Variants in LMCD1 observed in about 807,000 individuals in gnomAD.
LMCD1 encodes LIM and cysteine rich domains 1.
A neutral mutation model predicts 42.7 loss-of-function variants in LMCD1; 32 were observed. The ratio of observed to expected loss-of-function variants is 0.75; its 90% confidence interval spans 0.57 to 1.01. The LOEUF is 1.01. Ranked by LOEUF, LMCD1 falls within the 50% of genes least tolerant of loss-of-function variation. The probability of loss-of-function intolerance (pLI) is 0.00; values close to 1 mark genes in which losing one functional copy is unlikely to be tolerated. For missense variants in LMCD1, 458 were observed against 483.1 expected, an observed-to-expected ratio of 0.95 and a Z score of 0.49; for synonymous variants, 178 against 184.9, an observed-to-expected ratio of 0.96 and a Z score of 0.30.
At chr3:8,530,229 G>A (rs1694386367) in intron 1 of LMCD1, among the ~76,000 whole-genome samples, 1 of 152,210 alleles carries the variant, frequency 6.6e-6, no homozygotes, top group Non-Finnish European at 1.5e-5. Context: ...CTCACCAAGT[G>A]AGGATCCTGC....
rs201965075 is a variant in LMCD1, at chr3:8,549,751, G to C, written c.723+848G>C. The C allele has an allele frequency of 2.4e-5, 17 of 698,566 alleles. No individual in the cohort carries two copies. The East Asian group carries it at 4.0e-4, about 17-fold the overall frequency. 43.3% of individuals were successfully genotyped at this position (698,566 alleles called of 1,614,324 possible). On this transcript the variant is annotated intron_variant, in intron 4 of 5. Coordinates refer to ENST00000157600, the MANE Select transcript of LMCD1 (RefSeq NM_014583.4). ...GGAGGCTGAGAAGTCCAAGGCCAAG[G>C]GGCTGCATCTGGTGAGGGACTTCTT...
intron 1 of LMCD1, among the ~76,000 whole-genome samples, chr3:8,508,558 G>T (rs1434672532): frequency 6.6e-6 from 1 of 152,172 alleles, no homozygotes; most frequent in Non-Finnish European, 1.5e-5. Context: ...ATGAGCCATT[G>T]TCTAAAAGAG....
chr3:8,542,487 C>T (rs1694645596), intron 3 of LMCD1, among the ~76,000 whole-genome samples: 1 of 152,106 alleles, frequency 6.6e-6, no homozygotes, highest in Non-Finnish European at 1.5e-5. Context: ...AGCCGCTGCC[C>T]CAGGATCCCT....
At chr3:8,544,386 G>C (rs1436219459) in intron 3 of LMCD1, among the ~76,000 whole-genome samples, 1 of 152,154 alleles carries the variant, frequency 6.6e-6, no homozygotes, top group Non-Finnish European at 1.5e-5. Context: ...GCATTCAGAG[G>C]TGTGCAGACA....
intron 1 of LMCD1, among the ~76,000 whole-genome samples, chr3:8,530,481 C>T (rs1380836026): frequency 6.6e-6 from 1 of 152,178 alleles, no homozygotes; most frequent in East Asian, 1.9e-4. Flanking sequence ...ACTCTCCAAG[C>T]CAAGCATCAG....
chr3:8,512,281 C>T (rs921046868), intron 1 of LMCD1, among the ~76,000 whole-genome samples: 1 of 152,210 alleles, frequency 6.6e-6, no homozygotes, highest in Non-Finnish European at 1.5e-5. Flanking sequence ...TCACACAGTT[C>T]TTACTTCAAA....
rs146588809 is a variant in LMCD1, at chr3:8,567,534, G to A, written c.1034G>A (p.Arg345Gln). Residue 345 changes from arginine to glutamine, a missense_variant, in exon 6 of 6, where the codon CGG becomes CAG. Coordinates refer to ENST00000157600, the MANE Select transcript of LMCD1 (RefSeq NM_014583.4). Reference sequence around the variant, plus strand: ...GGTTGTGAGCAGCTGCTGAGCGGCCGGGCGTACATCGTCACCAAGGGTCAG... The same window carrying A: ...GGTTGTGAGCAGCTGCTGAGCGGCCAGGCGTACATCGTCACCAAGGGTCAG... Reference protein sequence around the residue: ...CEGCEQLLSGRAYIVTKGQLL... With the variant: ...CEGCEQLLSGQAYIVTKGQLL... 3.6e-5 allele frequency: 58 copies of A among 1,613,738 alleles called. No homozygotes were observed. The highest frequency in any genetic ancestry group is 2.9e-4 in the South Asian group (26 of 91,050).
At chr3:8,515,059 A>G (rs969930520) in intron 1 of LMCD1, 6 of 456,560 alleles carry the variant, frequency 1.3e-5, no homozygotes, top group Admixed American at 1.2e-4. Context: ...ACAGTTGGAA[A>G]GTGATATGTA....
At chr3:8,532,859 CT>C (rs1305006229) in intron 2 of LMCD1, 34 bp downstream of exon 2, 12 of 1,558,156 alleles carry the variant, frequency 7.7e-6, no homozygotes, top group African/African-American at 1.4e-5. Flanking sequence ...CCCTGTCTGC[CT>C]TTGTTACTTG....
At chr3:8,513,168 G>A (rs1183636786) in intron 1 of LMCD1, among the ~76,000 whole-genome samples, 1 of 152,138 alleles carries the variant, frequency 6.6e-6, no homozygotes, top group Non-Finnish European at 1.5e-5. Flanking sequence ...CAGATTCAAG[G>A]AGGTAATGGC....
chr3:8,524,115 G>A (rs1694252589), intron 1 of LMCD1, among the ~76,000 whole-genome samples: 1 of 150,794 alleles, frequency 6.6e-6, no homozygotes, highest in Non-Finnish European at 1.5e-5. Context: ...GTACATAGTA[G>A]GTATAGGCCC....
At chr3:8,537,536 G>C in intron 3 of LMCD1, 96 bp downstream of exon 3, 2 of 1,368,400 alleles carry the variant, frequency 1.5e-6, no homozygotes, top group Non-Finnish European at 2.0e-6. Context: ...GGTGGCAAGA[G>C]CTCAAGGTCA....
intron 1 of LMCD1, among the ~76,000 whole-genome samples, chr3:8,502,318 ATATTATATAT>A (rs1693751171): frequency 4.7e-5 from 2 of 42,432 alleles, no homozygotes; most frequent in African/African-American, 2.0e-4. Flanking sequence ...TATAAAATAT[ATATTATATAT>A]AATATATATT....
At chr3:8,509,979 CAT>C (rs960119052) in intron 1 of LMCD1, among the ~76,000 whole-genome samples, 17 of 152,320 alleles carry the variant, frequency 1.1e-4, no homozygotes, top group African/African-American at 4.1e-4. Context: ...CTTTGCTCAG[CAT>C]ATGTTTTCAG....
intron 1 of LMCD1, among the ~76,000 whole-genome samples, chr3:8,512,731 A>T (rs1183080613): frequency 6.6e-6 from 1 of 152,204 alleles, no homozygotes; most frequent in Non-Finnish European, 1.5e-5. Context: ...TCCTATATTT[A>T]TTTGAATAAT....
At chr3:8,521,397 A>T (rs1053045714) in intron 1 of LMCD1, among the ~76,000 whole-genome samples, 1 of 152,154 alleles carries the variant, frequency 6.6e-6, no homozygotes, top group Non-Finnish European at 1.5e-5. Flanking sequence ...CTCTTTTTCA[A>T]AGTGACCCCA....
intron 4 of LMCD1, 56 bp downstream of exon 4, chr3:8,548,959 C>T: frequency 1.5e-6 from 2 of 1,299,098 alleles, no homozygotes; most frequent in South Asian, 1.8e-5. Flanking sequence ...CAGGGCTGGA[C>T]AGTCAGGGCC....
Position 8,567,462 on chromosome 3 carries a change from A to C in LMCD1, c.962A>C (p.Gln321Pro), listed in dbSNP as rs1182492899. 2.5e-6 allele frequency: 4 copies of C among 1,613,914 alleles called. No homozygotes were observed. In the African/African-American group the frequency reaches 4.0e-5, roughly 16 times the overall value. The part of the protein sequence containing the change: ...CDEIIFAEDY[Q>P]RVEDLAWHRK... Reference sequence around the variant, plus strand: ...CAGATAATATTCGCTGAGGACTACCAGCGTGTGGAAGATCTGGCCTGGCAC... The same window carrying C: ...CAGATAATATTCGCTGAGGACTACCCGCGTGTGGAAGATCTGGCCTGGCAC... The change falls in exon 6 of 6, where the codon CAG becomes CCG. Residue 321 changes from glutamine (Q) to proline (P), a missense_variant. By Grantham distance (76) the Gln-to-Pro change is moderately conservative (BLOSUM62 -1). Transcript: ENST00000157600.
chr3:8,553,509 A>G (rs950025143), intron 4 of LMCD1, among the ~76,000 whole-genome samples: 4 of 152,178 alleles, frequency 2.6e-5, no homozygotes, highest in African/African-American at 9.7e-5. Flanking sequence ...AGCCCAGCCC[A>G]CCTGCATGGC....
Sources: gnomAD v4.1 joint callset for allele counts (sites outside exome capture counted in the v4.1 genomes callset) on GRCh38, gnomAD v4.1.1 for gene constraint, MANE v1.5 for transcripts, NCBI Gene and HGNC (gene_info 2026-07-23, HGNC 2026-07-21) for gene names.